The following CACNA1H variants were observed in gnomAD, a reference collection of about 807,000 sequenced individuals.
The protein encoded by CACNA1H is calcium voltage-gated channel subunit alpha1 H, also known as voltage-dependent T-type calcium channel subunit alpha-1H.
CACNA1H carries 149 observed loss-of-function variants against 192.5 expected under a neutral mutation model. The observed-to-expected ratio is 0.77, with a 90% CI of 0.68 to 0.89. The LOEUF (loss-of-function observed/expected upper bound fraction) is 0.89, where lower values mean the gene tolerates loss of function less well. Ranked by LOEUF, CACNA1H falls within the 40% of genes least tolerant of loss-of-function variation. CACNA1H has a pLI of 0.00. For synonymous variants in CACNA1H, 2,202 were observed against 1,475.2 expected, an observed-to-expected ratio of 1.49 and a Z score of -11.29; for missense variants, 4,257 against 3,423.5, an observed-to-expected ratio of 1.24 and a Z score of -6.08.
chr16:1,178,233 C>A (rs987040557), intron 2 of CACNA1H, among the ~76,000 whole-genome samples: 1 of 136,804 alleles, frequency 7.3e-6, no homozygotes, highest in Non-Finnish European at 1.6e-5. Context: ...GATCCCCCAA[C>A]GGGCTCTCCT....
At position 1,200,406 on chromosome 16, in the gene CACNA1H, C is replaced by G. The variant is rs1330712942; in HGVS notation, c.954C>G (p.Gly318=). 6 of 1,608,212 alleles carry G rather than the reference C, an allele frequency of 3.7e-6. No homozygotes were observed. The highest frequency in any genetic ancestry group is 5.1e-6 in the Non-Finnish European group (6 of 1,178,668). ...AGCTGCGCATGCCCTGCACCCTGGG[C>G]TGGGAGGCCTACACGCAGCCGCAGG... is the stretch of plus-strand genomic sequence containing the variant. ...RRELRMPCTL[G]WEAYTQPQAE... Residue 318 remains glycine (G), a synonymous_variant, in exon 7 of 35, where the codon GGC becomes GGG. Transcript: ENST00000348261.
intron 2 of CACNA1H, among the ~76,000 whole-genome samples, chr16:1,188,792 C>A (rs1327476801): frequency 6.6e-6 from 1 of 152,204 alleles, no homozygotes; most frequent in African/African-American, 2.4e-5. Context: ...TTCCTCGCCC[C>A]CTCCTGGATG....
At position 1,209,955 on chromosome 16, in the gene CACNA1H, C is replaced by T. The variant is rs977936233; in HGVS notation, c.3745-80C>T. On this transcript the variant is annotated intron_variant, in intron 17 of 34. Transcript: ENST00000348261. ...GCTGAGAAGGTGCTGGGAGGGGTGG[C>T]CGAGCTGAGCACAGAGGGCCCTGAT... 8 of 1,062,950 alleles carry T rather than the reference C, an allele frequency of 7.5e-6. No individual in the cohort carries two copies. The Admixed American group carries it at 1.9e-4, about 25-fold the overall frequency. The allele number at this position is 1,062,950 out of a possible 1,614,324, so 65.8% of individuals were successfully genotyped here. A position where few individuals can be genotyped will look rare whatever the true frequency, so the allele number is the denominator to read the frequency against.
In CACNA1H at chr16:1,195,492, T is replaced by C; in HGVS notation, c.472T>C (p.Leu158=). 1 of 1,595,824 alleles carries C rather than the reference T, an allele frequency of 6.3e-7. No homozygotes were observed. Among genetic ancestry groups the C allele is most frequent in the South Asian group, 1.1e-5 (1 of 87,770 alleles). ...AVEMVIKMVA[L]GLFGQKCYLG... is the part of the protein sequence containing the mutation. ...GGAGATGGTCATCAAGATGGTGGCC[T>C]TGGGGCTGTTCGGGCAGAAGTGTTA... Residue 158 remains leucine (L), a synonymous_variant, in exon 4 of 35, where the codon TTG becomes CTG. Coordinates refer to ENST00000348261, the MANE Select transcript of CACNA1H (RefSeq NM_021098.3).
At chr16:1,184,450 C>T (rs576430841) in intron 2 of CACNA1H, among the ~76,000 whole-genome samples, 12 of 152,348 alleles carry the variant, frequency 7.9e-5, no homozygotes, top group African/African-American at 9.6e-5. Flanking sequence ...GAGAGGCATC[C>T]GTGGGGAGGG....
In CACNA1H at chr16:1,198,737, C is replaced by T. The variant is rs1194556794; in HGVS notation, c.766C>T (p.Leu256=). The T allele has an allele frequency of 3.1e-6, 5 of 1,612,762 alleles. No homozygotes were observed. Among genetic ancestry groups the T allele is most frequent in the African/African-American group, 2.7e-5 (2 of 74,876 alleles). The change falls in exon 6 of 35, where the codon CTG becomes TTG. Residue 256 remains leucine (L), a synonymous_variant. Coordinates refer to ENST00000348261, the MANE Select transcript of CACNA1H (RefSeq NM_021098.3). The stretch of plus-strand genomic sequence containing the variant: ...TGGCGTCCAGCTCTGGGCTGGCCTC[C>T]TGCGGAACCGCTGCTTCCTGGACAG... The part of the protein sequence containing the change: ...IVGVQLWAGL[L]RNRCFLDSAF...
chr16:1,206,551 G>C, intron 12 of CACNA1H: 1 of 525,724 alleles, frequency 1.9e-6, no homozygotes, highest in Admixed American at 3.4e-5. Context: ...TTACTCAAGA[G>C]CAGAATACCG....
chr16:1,209,871 C>A (rs1018640256), intron 17 of CACNA1H, among the ~76,000 whole-genome samples, 164 bp from the exon 18 acceptor site: 1 of 152,186 alleles, frequency 6.6e-6, no homozygotes, highest in Admixed American at 6.5e-5. Context: ...CGGTATGGGC[C>A]CCAGAGGCCA....
At chr16:1,183,967 C>T (rs536816549) in intron 2 of CACNA1H, among the ~76,000 whole-genome samples, 7 of 152,232 alleles carry the variant, frequency 4.6e-5, no homozygotes, top group Admixed American at 6.5e-5. Context: ...GGGGAAGGTG[C>T]GTCTGCCTCG....
chr16:1,198,827 T>C, intron 6 of CACNA1H, 53 bp downstream of exon 6: 1 of 1,538,418 alleles, frequency 6.5e-7, no homozygotes, highest in Non-Finnish European at 8.8e-7. Flanking sequence ...CTGCCCACCA[T>C]GCAGATAACG....
chr16:1,220,848 C>G lies in CACNA1H; in HGVS notation c.6916C>G (p.Pro2306Ala), dbSNP rs761917566. 7.1e-5 allele frequency: 114 copies of G among 1,612,712 alleles called. 1 individual carries two copies. Among genetic ancestry groups the G allele is most frequent in the Non-Finnish European group, 8.4e-5 (99 of 1,179,828 alleles). Residue 2306 changes from proline (P) to alanine (A), a missense_variant, in exon 35 of 35, where the codon CCA (proline) becomes GCA (alanine). Coordinates refer to ENST00000348261, the MANE Select transcript of CACNA1H (RefSeq NM_021098.3). ...SSGAIVPLEPPESEPPMPVGD... is the reference protein window; with the variant it reads ...SSGAIVPLEPAESEPPMPVGD... The stretch of plus-strand genomic sequence containing the variant: ...AGGGGCCATAGTGCCCCTGGAACCC[C>G]CAGAATCAGAGCCTCCCATGCCCGT...
rs772111884 is a variant in CACNA1H at position 1,202,232 on chromosome 16, C to T, written c.1782C>T (p.Ala594=). 169 of 1,557,460 alleles carry T rather than the reference C, an allele frequency of 1.1e-4. No homozygotes were observed. The highest frequency in any genetic ancestry group is 5.0e-4 in the Middle Eastern group (3 of 5,986). ...AGGAGAGGGCCCGGGTGGCACATGC[C>T]GCAGCCACTGCCGCTGCCAGCCTCA... ...GPQERARVAH[A]AATAAASLRL... The change falls in exon 9 of 35, where the codon GCC becomes GCT. Residue 594 remains alanine, a synonymous_variant. Coordinates refer to ENST00000348261, the MANE Select transcript of CACNA1H (RefSeq NM_021098.3).
chr16:1,221,207 T>G lies in CACNA1H; in HGVS notation c.*213T>G. The G allele has an allele frequency of 1.9e-6, 1 of 514,124 alleles. No individual in the cohort carries two copies. The allele number at this position is 514,124 out of a possible 1,614,324, so 31.8% of individuals were successfully genotyped here. A position where few individuals can be genotyped will look rare whatever the true frequency, so the allele number is the denominator to read the frequency against. On this transcript the variant is annotated 3_prime_UTR_variant, in exon 35 of 35. Transcript: ENST00000348261. ...AGCCTCCGTCCGTTCTGGTTCGGGT[T>G]TCTCCGAGTTTTGCTACCAGCCGAG...
rs531954469 is a variant in CACNA1H, at chr16:1,221,631, G to A, written c.*637G>A. On this transcript the variant is annotated 3_prime_UTR_variant, in exon 35 of 35. Coordinates refer to ENST00000348261, the MANE Select transcript of CACNA1H (RefSeq NM_021098.3). ...TCCCCTACATCTGGGGGCGTTGGCC[G>A]CGAGATTCCCATTGACACCTTTGTT... is the stretch of plus-strand genomic sequence containing the variant. 1.2e-5 allele frequency: 10 copies of A among 835,356 alleles called. No individual in the cohort carries two copies. The highest frequency in any genetic ancestry group is 6.3e-5 in the Admixed American group (2 of 31,918). 51.7% of individuals were successfully genotyped at this position (835,356 alleles called of 1,614,324 possible). A position where few individuals can be genotyped will look rare whatever the true frequency, so the allele number is the denominator to read the frequency against.
chr16:1,216,397 G>A (rs866123511), intron 30 of CACNA1H, among the ~76,000 whole-genome samples: 11 of 152,370 alleles, frequency 7.2e-5, no homozygotes, highest in Non-Finnish European at 1.2e-4. Flanking sequence ...TGGAGGGTGC[G>A]CCGCCCAGCG....
At chr16:1,194,084 A>G (rs902740434) in intron 2 of CACNA1H, among the ~76,000 whole-genome samples, 21 of 151,898 alleles carry the variant, frequency 1.4e-4, no homozygotes, top group Admixed American at 6.5e-4. Flanking sequence ...GTGGGCGCTG[A>G]GGCCTGTGGT....
intron 2 of CACNA1H, among the ~76,000 whole-genome samples, chr16:1,174,984 A>G (rs1358366908): frequency 7.8e-6 from 1 of 128,270 alleles, no homozygotes; most frequent in Non-Finnish European, 1.6e-5. Flanking sequence ...GGGCCTGGCC[A>G]TGGCTCCGTG....
rs2141296568 is a variant in CACNA1H, at chr16:1,206,120, G to A, written c.2620G>A (p.Gly874Arg). 2 of 1,582,792 alleles carry A rather than the reference G, an allele frequency of 1.3e-6. No individual in the cohort carries two copies. The highest frequency in any genetic ancestry group is 4.6e-5 in the East Asian group (2 of 43,378). Residue 874 changes from glycine (G) to arginine (R), a missense_variant, in exon 12 of 35, where the codon GGG (glycine) becomes AGG (arginine). Coordinates refer to ENST00000348261, the MANE Select transcript of CACNA1H (RefSeq NM_021098.3). ...IVVISVWEIV[G>R]QADGGLSVLR... ...TGTCCGCAGCGTCTGGGAGATCGTG[G>A]GGCAGGCGGACGGTGGCTTGTCTGT... is the stretch of plus-strand genomic sequence containing the variant.
intron 2 of CACNA1H, among the ~76,000 whole-genome samples, chr16:1,176,929 G>C (rs574387227): frequency 1.2e-4 from 18 of 152,250 alleles, no homozygotes; most frequent in African/African-American, 3.6e-4. Flanking sequence ...AGGATGTTCC[G>C]TGGACAGGGT....
Sources: gnomAD v4.1 joint callset for allele counts (sites outside exome capture counted in the v4.1 genomes callset) on GRCh38, gnomAD v4.1.1 for gene constraint, MANE v1.5 for transcripts, NCBI Gene and HGNC (gene_info 2026-07-23, HGNC 2026-07-21) for gene names.